DSCAM: variants seen among roughly 807,000 people sequenced by gnomAD.
DSCAM encodes the protein DS cell adhesion molecule.
A neutral mutation model predicts 217.7 loss-of-function variants in DSCAM; 47 were observed. The observed-to-expected ratio is 0.22, with a 90% CI of 0.17 to 0.28. The LOEUF is 0.28. Among genes scored for constraint, DSCAM ranks in the 10% least tolerant of loss-of-function variants. DSCAM has a pLI of 1.00. For synonymous variants in DSCAM, 1,056 were observed against 1,015.3 expected, an observed-to-expected ratio of 1.04 and a Z score of -0.76; for missense variants, 2,080 against 2,618.3, an observed-to-expected ratio of 0.79 and a Z score of 4.49.
intron 11 of DSCAM, among the ~76,000 whole-genome samples, chr21:40,258,489 T>C (rs978094589): frequency 1.3e-5 from 2 of 152,220 alleles, no homozygotes; most frequent in African/African-American, 4.8e-5. Context: ...AAAAGTAAAG[T>C]AGAGGTTCCT....
chr21:40,084,080 C>A, intron 23 of DSCAM, 74 bp from the exon 24 acceptor site: 1 of 1,211,978 alleles, frequency 8.3e-7, no homozygotes, highest in South Asian at 1.5e-5. Context: ...AGTCATTTAC[C>A]AACTCATTTT....
intron 20 of DSCAM, among the ~76,000 whole-genome samples, chr21:40,099,256 A>G (rs1297744136): frequency 2.0e-5 from 3 of 152,256 alleles, no homozygotes; most frequent in Non-Finnish European, 2.9e-5. Context: ...TGCCTGTAAC[A>G]TAATGCATGG....
At chr21:40,606,551 C>T (rs1266539259) in intron 3 of DSCAM, among the ~76,000 whole-genome samples, 6 of 152,306 alleles carry the variant, frequency 3.9e-5, no homozygotes, top group African/African-American at 1.4e-4. Flanking sequence ...AATTTGGCCT[C>T]CAACCCAGGC....
Position 40,012,920 on chromosome 21 carries a change from A to AAT in DSCAM, c.*112_*113dup. The AAT allele has an allele frequency of 5.2e-6, 3 of 574,078 alleles. No individual in the cohort carries two copies. Among genetic ancestry groups the AAT allele is most frequent in the Non-Finnish European group, 7.6e-6 (3 of 397,132 alleles). The allele number at this position is 574,078 out of a possible 1,614,324, so 35.6% of individuals were successfully genotyped here. A position where few individuals can be genotyped will look rare whatever the true frequency, so the allele number is the denominator to read the frequency against. On this transcript the variant is annotated 3_prime_UTR_variant, in exon 33 of 33. Transcript: ENST00000400454. The stretch of plus-strand genomic sequence containing the variant: ...TCAGTATTTTCTCTTTTTTTTTTTT[A>AAT]ATATATTTTGGCAATTTTCTTTAAT...
intron 1 of DSCAM, among the ~76,000 whole-genome samples, chr21:40,821,701 G>A (rs2091929748): frequency 6.6e-6 from 1 of 152,004 alleles, no homozygotes; most frequent in Non-Finnish European, 1.5e-5. Flanking sequence ...GGGCATTTAG[G>A]TTGGTTCCAT....
intron 16 of DSCAM, among the ~76,000 whole-genome samples, chr21:40,150,211 T>C (rs1418378566): frequency 6.6e-6 from 1 of 152,244 alleles, no homozygotes. Flanking sequence ...TCTCCAAAGT[T>C]GTATTTGGTA....
intron 3 of DSCAM, among the ~76,000 whole-genome samples, chr21:40,402,377 T>C (rs895728945): frequency 6.6e-6 from 1 of 152,100 alleles, no homozygotes; most frequent in Admixed American, 6.5e-5. Flanking sequence ...CTAAAATATA[T>C]TATTTTTAAG....
At chr21:40,146,221 T>C (rs9979184) in intron 16 of DSCAM, among the ~76,000 whole-genome samples, 70,190 of 149,068 alleles carry the variant, frequency 0.47, 19,112 homozygotes, top group South Asian at 0.63. Context: ...GTATGGGTGG[T>C]CTGAAGTGGT....
intron 1 of DSCAM, among the ~76,000 whole-genome samples, chr21:40,720,081 C>G (rs1453992848): frequency 6.6e-6 from 1 of 152,138 alleles, no homozygotes; most frequent in African/African-American, 2.4e-5. Context: ...TCAATTGCTT[C>G]AGAGAGGTCA....
chr21:40,242,188 T>C (rs1404660120), intron 11 of DSCAM, among the ~76,000 whole-genome samples: 1 of 152,182 alleles, frequency 6.6e-6, no homozygotes, highest in Admixed American at 6.5e-5. Context: ...ATGACTTTGT[T>C]AGATGGACTC....
chr21:40,057,166 A>T (rs180719501), intron 28 of DSCAM, among the ~76,000 whole-genome samples: 3 of 152,350 alleles, frequency 2.0e-5, no homozygotes, highest in East Asian at 3.9e-4. Context: ...CTCTGCAGAT[A>T]AGGAACTGGG....
At chr21:40,400,605 C>T (rs890610983) in intron 3 of DSCAM, among the ~76,000 whole-genome samples, 1 of 152,178 alleles carries the variant, frequency 6.6e-6, no homozygotes, top group Non-Finnish European at 1.5e-5. Context: ...GTTGTAGAGA[C>T]AAGGTCTTGC....
chr21:40,572,104 GTGT>G (rs1568913575), intron 3 of DSCAM, among the ~76,000 whole-genome samples: 1 of 151,864 alleles, frequency 6.6e-6, no homozygotes, highest in African/African-American at 2.4e-5. Flanking sequence ...GTGTGTGTGT[GTGT>G]GTGTGTGTGT....
chr21:40,028,812 G>A (rs1403307553), intron 32 of DSCAM, among the ~76,000 whole-genome samples: 2 of 152,212 alleles, frequency 1.3e-5, no homozygotes, highest in African/African-American at 4.8e-5. Context: ...CGCTCACGCT[G>A]GGAGCTGCAG....
At chr21:40,545,855 A>G (rs1332912682) in intron 3 of DSCAM, among the ~76,000 whole-genome samples, 13 of 152,210 alleles carry the variant, frequency 8.5e-5, no homozygotes, top group Non-Finnish European at 1.8e-4. Flanking sequence ...TGTCACTGAG[A>G]AAACCAGTGA....
At chr21:40,273,431 C>T (rs573669061) in intron 11 of DSCAM, among the ~76,000 whole-genome samples, 1 of 152,316 alleles carries the variant, frequency 6.6e-6, no homozygotes, top group East Asian at 1.9e-4. Context: ...AGTGTGTTCA[C>T]TTTAAATGTT....
intron 3 of DSCAM, among the ~76,000 whole-genome samples, chr21:40,441,976 CTTGT>C (rs936144244): frequency 3.1e-4 from 47 of 152,158 alleles, no homozygotes; most frequent in African/African-American, 1.1e-3. Flanking sequence ...AAGAAATCCA[CTTGT>C]TTGTTTACTT....
Position 40,443,380 on chromosome 21 carries a change from A to C in DSCAM, c.509-74135T>G, listed in dbSNP as rs190181914. ...TTCGGTAGTATTTTGTATCTCACAA[A>C]ACTGTAACATCTCTTAATTAAAGAG... On this transcript the variant is annotated intron_variant, in intron 3 of 32. Transcript: ENST00000400454. Among the ~76,000 whole-genome samples, 544 of 152,288 alleles carry C rather than the reference A, an allele frequency of 3.6e-3. 3 individuals are homozygous for C. The highest frequency in any genetic ancestry group is 0.01 in the Middle Eastern group (3 of 294).
intron 3 of DSCAM, among the ~76,000 whole-genome samples, chr21:40,397,389 TCTCA>T (rs1217409726): frequency 1.3e-5 from 2 of 152,014 alleles, no homozygotes; most frequent in African/African-American, 4.8e-5. Context: ...GGCAACTCCC[TCTCA>T]CTCTCTCCCT....
Sources: gnomAD v4.1 joint callset for allele counts (sites outside exome capture counted in the v4.1 genomes callset) on GRCh38, gnomAD v4.1.1 for gene constraint, MANE v1.5 for transcripts, NCBI Gene and HGNC (gene_info 2026-07-23, HGNC 2026-07-21) for gene names.